The following MGMT variants were observed in gnomAD, a reference collection of about 807,000 sequenced individuals.
The protein encoded by MGMT is O-6-methylguanine-DNA methyltransferase.
Under a neutral mutation model 15.9 loss-of-function variants are expected in MGMT, and 14 were observed. The ratio of observed to expected loss-of-function variants is 0.88; its 90% CI spans 0.58 to 1.37. The LOEUF is 1.37. MGMT is among the 40% of genes most tolerant of loss of function. The pLI is 0.00. For missense variants in MGMT, 282 were observed against 268.1 expected (o/e 1.05, Z -0.36); for synonymous variants, 130 against 118.2 (o/e 1.10, Z -0.65).
intron 2 of MGMT, among the ~76,000 whole-genome samples, chr10:129,558,183 G>C (rs1489001279): frequency 6.6e-6 from 1 of 152,212 alleles, no homozygotes; most frequent in South Asian, 2.1e-4. Context: ...AAAATTGAGA[G>C]CTCATCTATT....
At chr10:129,597,080 C>G (rs903256402) in intron 2 of MGMT, among the ~76,000 whole-genome samples, 1 of 152,196 alleles carries the variant, frequency 6.6e-6, no homozygotes, top group African/African-American at 2.4e-5. Flanking sequence ...CAAGAAGATT[C>G]TGCGCAACAA....
chr10:129,478,027 G>A (rs1274484871), intron 1 of MGMT, among the ~76,000 whole-genome samples: 2 of 152,194 alleles, frequency 1.3e-5, no homozygotes, highest in African/African-American at 4.8e-5. Context: ...GTGGGAATAG[G>A]GGACAGCAGG....
chr10:129,636,403 A>C (rs1847265404), intron 2 of MGMT, among the ~76,000 whole-genome samples: 1 of 152,232 alleles, frequency 6.6e-6, no homozygotes, highest in Non-Finnish European at 1.5e-5. Flanking sequence ...CATTTGCATC[A>C]TTGAAAAGGG....
At chr10:129,512,734 A>G (rs146044291) in intron 1 of MGMT, among the ~76,000 whole-genome samples, 95 of 152,328 alleles carry the variant, frequency 6.2e-4, no homozygotes, top group African/African-American at 1.9e-3. Flanking sequence ...ATATAAGTAT[A>G]TTTGATAACG....
intron 2 of MGMT, among the ~76,000 whole-genome samples, chr10:129,631,135 A>C (rs753563603): frequency 1.3e-5 from 2 of 151,956 alleles, no homozygotes; most frequent in Non-Finnish European, 2.9e-5. Context: ...TATTTATGTT[A>C]ATGAAACCAG....
At chr10:129,543,966 G>A (rs986850621) in intron 2 of MGMT, among the ~76,000 whole-genome samples, 3 of 152,194 alleles carry the variant, frequency 2.0e-5, no homozygotes, top group Admixed American at 1.3e-4. Flanking sequence ...TAGAGTAACA[G>A]GTAAATGGGT....
At chr10:129,527,124 G>A (rs1475794256) in intron 1 of MGMT, among the ~76,000 whole-genome samples, 1 of 152,228 alleles carries the variant, frequency 6.6e-6, no homozygotes, top group East Asian at 1.9e-4. Context: ...AAGCCCGACT[G>A]TTGAATCGCC....
At chr10:129,610,807 C>G (rs1049501643) in intron 2 of MGMT, among the ~76,000 whole-genome samples, 16 of 152,208 alleles carry the variant, frequency 1.1e-4, no homozygotes, top group African/African-American at 3.4e-4. Flanking sequence ...ATAGTGCATT[C>G]ATTTGCCTCT....
intron 2 of MGMT, chr10:129,563,785 T>G (rs561671234): frequency 1.3e-5 from 2 of 152,330 alleles, no homozygotes; most frequent in Admixed American, 1.3e-4. Context: ...ACAGGCCCCT[T>G]CTGGTTCTCC....
At chr10:129,500,044 ATTCT>A (rs893191891) in intron 1 of MGMT, among the ~76,000 whole-genome samples, 10 of 152,154 alleles carry the variant, frequency 6.6e-5, no homozygotes, top group Non-Finnish European at 1.2e-4. Flanking sequence ...GTGTTTCCTA[ATTCT>A]TTCTTTCTTA....
chr10:129,679,277 G>A (rs1847820446), intron 2 of MGMT, among the ~76,000 whole-genome samples: 1 of 152,104 alleles, frequency 6.6e-6, no homozygotes, highest in South Asian at 2.1e-4. Flanking sequence ...TAGGAACAAA[G>A]TGATTGGGGA....
intron 2 of MGMT, among the ~76,000 whole-genome samples, chr10:129,569,706 A>G (rs1846395370): frequency 6.6e-6 from 1 of 152,114 alleles, no homozygotes; most frequent in East Asian, 1.9e-4. Flanking sequence ...GACCTTGTGC[A>G]TCAGGGAGGA....
intron 1 of MGMT, among the ~76,000 whole-genome samples, chr10:129,469,533 C>T (rs1845206789): frequency 6.6e-6 from 1 of 152,114 alleles, no homozygotes; most frequent in Admixed American, 6.5e-5. Flanking sequence ...TTTTGACTTC[C>T]GTTTGGGACT....
chr10:129,761,500 A>G (rs980371100), intron 4 of MGMT, among the ~76,000 whole-genome samples: 2 of 152,186 alleles, frequency 1.3e-5, no homozygotes, highest in Admixed American at 6.5e-5. Flanking sequence ...CTGGTTAGCA[A>G]TCCTGCTTGT....
chr10:129,593,599 A>G (rs1338866151), intron 2 of MGMT, among the ~76,000 whole-genome samples: 1 of 152,244 alleles, frequency 6.6e-6, no homozygotes, highest in Non-Finnish European at 1.5e-5. Flanking sequence ...AGCTTTAGCA[A>G]ATAACAGAAA....
chr10:129,766,524 A>C (rs1848936773), intron 4 of MGMT, among the ~76,000 whole-genome samples: 2 of 152,200 alleles, frequency 1.3e-5, no homozygotes, highest in Non-Finnish European at 2.9e-5. Flanking sequence ...GGCCTAAAGC[A>C]ATTCTCTGAG....
chr10:129,479,100 C>G (rs1307573644), intron 1 of MGMT, among the ~76,000 whole-genome samples: 2 of 152,146 alleles, frequency 1.3e-5, no homozygotes, highest in African/African-American at 4.8e-5. Flanking sequence ...TTACCCAGAA[C>G]ATGTTTGATG....
chr10:129,728,413 G>A (rs989118606), intron 3 of MGMT, among the ~76,000 whole-genome samples: 1 of 152,156 alleles, frequency 6.6e-6, no homozygotes, highest in African/African-American at 2.4e-5. Flanking sequence ...AGAGGAAGGG[G>A]CCAAGGGGGC....
chr10:129,765,677 G>A (rs12258311), intron 4 of MGMT, among the ~76,000 whole-genome samples: 10,731 of 152,262 alleles, frequency 0.07, 643 homozygotes, highest in East Asian at 0.21. Context: ...CCAAGGCAGG[G>A]GCTGACCATC....
Sources: gnomAD v4.1 joint callset for allele counts (sites outside exome capture counted in the v4.1 genomes callset) on GRCh38, gnomAD v4.1.1 for gene constraint, MANE v1.5 for transcripts, NCBI Gene and HGNC (gene_info 2026-07-23, HGNC 2026-07-21) for gene names.